The following TRIM40 variants were observed in gnomAD, a reference collection of about 807,000 sequenced individuals.
The protein encoded by TRIM40 is E3 ubiquitin ligase TRIM40.
In TRIM40, 27 loss-of-function variants were observed where a neutral mutation model predicts 26.1. That is an observed-to-expected ratio of 1.04 (90% CI 0.76 to 1.43). The LOEUF (loss-of-function observed/expected upper bound fraction) is 1.43, where lower values mean the gene tolerates loss of function less well. TRIM40 is among the 40% of genes most tolerant of loss of function. TRIM40 has a pLI of 0.00. For synonymous variants in TRIM40, 114 were observed against 120.0 expected (o/e 0.95, Z 0.33); for missense variants, 289 against 307.9 (o/e 0.94, Z 0.46).
At chr6:30,146,228 C>A in intron 3 of TRIM40, 139 bp downstream of exon 3, 1 of 703,852 alleles carries the variant, frequency 1.4e-6, no homozygotes, top group Non-Finnish European at 2.4e-6. Context: ...CGGGTGTTGG[C>A]CTTGGCGTCA....
At chr6:30,144,597 C>T (rs1771538609) in intron 2 of TRIM40, among the ~76,000 whole-genome samples, 1 of 152,108 alleles carries the variant, frequency 6.6e-6, no homozygotes, top group Non-Finnish European at 1.5e-5. Flanking sequence ...TGGCAGAAGG[C>T]ACAGGTCTAG....
At chr6:30,141,716 G>C (rs1028367002) in intron 2 of TRIM40, among the ~76,000 whole-genome samples, 2 of 152,154 alleles carry the variant, frequency 1.3e-5, no homozygotes, top group African/African-American at 4.8e-5. Flanking sequence ...TCCAGGTTTT[G>C]TTCTGGTTTT....
In TRIM40 at chr6:30,145,988, C is replaced by T; in HGVS notation, c.346-6C>T. The T allele has an allele frequency of 1.2e-6, 2 of 1,612,828 alleles. No individual in the cohort carries two copies. Among genetic ancestry groups the T allele is most frequent in the East Asian group, 2.2e-5 (1 of 44,886 alleles). On this transcript the variant is annotated splice_polypyrimidine_tract_variant and splice_region_variant and intron_variant, in intron 2 of 5. Transcript: ENST00000396581. ...GTCTGACAAGCAGGTGTGTCTGTCT[C>T]TTTAGGAACGACTCAATCGCCGGAG... is the stretch of plus-strand genomic sequence containing the variant.
chr6:30,146,520 T>G (rs1771665572), intron 3 of TRIM40, among the ~76,000 whole-genome samples: 1 of 152,120 alleles, frequency 6.6e-6, no homozygotes, highest in Admixed American at 6.5e-5. Context: ...CACGCCATTC[T>G]CCTGCCTCAG....
At chr6:30,138,089 A>C (rs888636235) in intron 2 of TRIM40, among the ~76,000 whole-genome samples, 4 of 151,254 alleles carry the variant, frequency 2.6e-5, no homozygotes, top group African/African-American at 4.9e-5. Context: ...ACACACACAC[A>C]CCCTCAAAGG....
At chr6:30,138,574 A>G (rs1771153078) in intron 2 of TRIM40, among the ~76,000 whole-genome samples, 4 of 152,162 alleles carry the variant, frequency 2.6e-5, no homozygotes, top group Non-Finnish European at 5.9e-5. Flanking sequence ...TAGAGATTTT[A>G]TCCTTACCAT....
At chr6:30,143,237 C>T (rs9261496) in intron 2 of TRIM40, among the ~76,000 whole-genome samples, 33,477 of 151,938 alleles carry the variant, frequency 0.22, 4,031 homozygotes, top group Admixed American at 0.25. Flanking sequence ...ATGTATTTTA[C>T]AACACTATTT....
chr6:30,146,293 T>A (rs1474421247), intron 3 of TRIM40, among the ~76,000 whole-genome samples: 1 of 152,234 alleles, frequency 6.6e-6, no homozygotes, highest in African/African-American at 2.4e-5. Flanking sequence ...TTTATGTGAC[T>A]TACATGTTAA....
chr6:30,146,056 G>A lies in TRIM40; in HGVS notation c.408G>A (p.Lys136=). ...ACATTGCAGAACTTCAGCGGCTCAA[G>A]GCTCAGCAGGAGAAGAAACTGCAGG... The part of the protein sequence containing the change: ...RKDIAELQRL[K]AQQEKKLQAL... Residue 136 remains lysine, a synonymous_variant, in exon 3 of 6, where the codon AAG becomes AAA. Coordinates refer to ENST00000396581, the MANE Select transcript of TRIM40 (RefSeq NM_001286633.2). The A allele has an allele frequency of 6.2e-7, 1 of 1,613,014 alleles. No homozygotes were observed. Among genetic ancestry groups the A allele is most frequent in the Non-Finnish European group, 8.5e-7 (1 of 1,180,028 alleles).
At chr6:30,140,986 T>C (rs1771311291) in intron 2 of TRIM40, among the ~76,000 whole-genome samples, 1 of 152,084 alleles carries the variant, frequency 6.6e-6, no homozygotes, top group African/African-American at 2.4e-5. Flanking sequence ...AAAGACAATA[T>C]TTAAATCCAA....
At chr6:30,143,943 G>A (rs1283657406) in intron 2 of TRIM40, among the ~76,000 whole-genome samples, 1 of 152,106 alleles carries the variant, frequency 6.6e-6, no homozygotes, top group Non-Finnish European at 1.5e-5. Context: ...TAAACTGCCA[G>A]ATGATAGGAC....
At chr6:30,139,664 T>A (rs1322728223) in intron 2 of TRIM40, among the ~76,000 whole-genome samples, 1 of 152,078 alleles carries the variant, frequency 6.6e-6, no homozygotes, top group East Asian at 1.9e-4. Context: ...TGAACAGTAA[T>A]GGGTGGCCCA....
At position 30,148,272 on chromosome 6, in the gene TRIM40, G is replaced by A. The variant is rs117907536; in HGVS notation, c.*460G>A. 0.011 allele frequency: 2,028 copies of A among 176,668 alleles called. 88 individuals are homozygous for A. Among genetic ancestry groups the A allele is most frequent in the Admixed American group, 0.071 (1,299 of 18,334 alleles). 10.9% of individuals were successfully genotyped at this position (176,668 alleles called of 1,614,324 possible). A position where few individuals can be genotyped will look rare whatever the true frequency, so the allele number is the denominator to read the frequency against. ...CTGGCACTTATTTATTATTGTTGTGGAAGACAGACTCAAAGACAGCCTCCC... is the reference window on the plus strand; with the variant it reads ...CTGGCACTTATTTATTATTGTTGTGAAAGACAGACTCAAAGACAGCCTCCC... On this transcript the variant is annotated 3_prime_UTR_variant, in exon 6 of 6. Coordinates refer to ENST00000396581, the MANE Select transcript of TRIM40 (RefSeq NM_001286633.2).
chr6:30,138,931 A>G (rs1771171386), intron 2 of TRIM40, among the ~76,000 whole-genome samples: 1 of 152,192 alleles, frequency 6.6e-6, no homozygotes, highest in African/African-American at 2.4e-5. Context: ...GCAAAGTTCT[A>G]TTTGGTTCTA....
At chr6:30,140,373 T>C (rs535379030) in intron 2 of TRIM40, among the ~76,000 whole-genome samples, 1,683 of 152,256 alleles carry the variant, frequency 0.011, 25 homozygotes, top group African/African-American at 0.034. Context: ...ATATACACCA[T>C]GGAATACTAT....
chr6:30,137,061 C>T lies in TRIM40; in HGVS notation c.25C>T (p.Gln9Ter), dbSNP rs778935033. ...CATGATCCCTTTGCAGAAGGACAAC[C>T]AGGAGGAGGGTGTCTGCCCCATCTG... MIPLQKDNQEEGVCPICQE... is the reference protein window; with the variant it reads MIPLQKDN Residue 9 changes from glutamine to a stop codon, truncating the protein, a stop_gained, in exon 2 of 6, where the codon CAG becomes TAG. Transcript: ENST00000396581. LOFTEE classifies it high-confidence loss of function. 1.2e-6 allele frequency: 2 copies of T among 1,612,942 alleles called. No individual in the cohort carries two copies. Among genetic ancestry groups the T allele is most frequent in the South Asian group, 2.2e-5 (2 of 91,080 alleles).
chr6:30,141,450 GAGGAGGACCCAGCAA>G, intron 2 of TRIM40, among the ~76,000 whole-genome samples: 1 of 152,256 alleles, frequency 6.6e-6, no homozygotes, highest in Non-Finnish European at 1.5e-5. Context: ...GATGTAGGCA[GAGGAGGACCCAGCAA>G]AGGAGACAGG....
chr6:30,136,688 C>G, intron 1 of TRIM40, 45 bp from the exon 2 acceptor site: 1 of 305,644 alleles, frequency 3.3e-6, no homozygotes, highest in Non-Finnish European at 6.0e-6. Flanking sequence ...TGAAAGCTGT[C>G]AAGAGGAAAA....
intron 4 of TRIM40, 130 bp downstream of exon 4, chr6:30,147,339 G>A: frequency 1.5e-6 from 2 of 1,358,858 alleles, no homozygotes; most frequent in East Asian, 4.6e-5. Flanking sequence ...GGTAGATGTG[G>A]CTTGTTCCAG....
Sources: gnomAD v4.1 joint callset for allele counts (sites outside exome capture counted in the v4.1 genomes callset) on GRCh38, gnomAD v4.1.1 for gene constraint, MANE v1.5 for transcripts, NCBI Gene and HGNC (gene_info 2026-07-23, HGNC 2026-07-21) for gene names.